The following IQCM variants were observed in gnomAD, a reference collection of about 807,000 sequenced individuals.
IQCM encodes the protein IQ domain-containing protein M.
Under a neutral mutation model 57.6 loss-of-function variants are expected in IQCM, and 45 were observed. That is an observed-to-expected ratio of 0.78 (90% CI 0.62 to 1.00). The LOEUF (loss-of-function observed/expected upper bound fraction) is 1.00, where lower values mean the gene tolerates loss of function less well. Among genes scored for constraint, IQCM ranks in the 50% least tolerant of loss-of-function variants. The pLI, the probability that IQCM is intolerant of heterozygous loss-of-function variation, is 0.00. For missense variants in IQCM, 468 were observed against 511.6 expected, an observed-to-expected ratio of 0.91 and a Z score of 0.82; for synonymous variants, 148 against 158.9, an observed-to-expected ratio of 0.93 and a Z score of 0.51.
chr4:149,594,909 A>T (rs1234617858), intron 8 of IQCM, among the ~76,000 whole-genome samples: 1 of 151,984 alleles, frequency 6.6e-6, no homozygotes, highest in Non-Finnish European at 1.5e-5. Context: ...GTGTGATGTC[A>T]TGCTGAGAAG....
At chr4:149,383,419 T>G (rs1396117280) in intron 13 of IQCM, among the ~76,000 whole-genome samples, 1 of 152,196 alleles carries the variant, frequency 6.6e-6, no homozygotes, top group Non-Finnish European at 1.5e-5. Context: ...CACATGAATG[T>G]GATACTGTGG....
At chr4:149,739,934 C>T (rs376550317) in intron 3 of IQCM, among the ~76,000 whole-genome samples, 11 of 152,210 alleles carry the variant, frequency 7.2e-5, no homozygotes, top group African/African-American at 2.4e-4. Flanking sequence ...TACATAGTTG[C>T]TCCAGTGAGC....
At chr4:149,586,808 C>CT (rs1390801665) in intron 9 of IQCM, among the ~76,000 whole-genome samples, 1 of 151,478 alleles carries the variant, frequency 6.6e-6, no homozygotes, top group African/African-American at 2.4e-5. Context: ...TTATGAACAC[C>CT]TTTTTTAAGT....
chr4:149,566,285 T>C (rs1185148901), intron 9 of IQCM, among the ~76,000 whole-genome samples: 1 of 152,166 alleles, frequency 6.6e-6, no homozygotes, highest in African/African-American at 2.4e-5. Flanking sequence ...AGGACTGTTA[T>C]AGAAATAGTT....
chr4:149,519,684 A>G (rs576216851), intron 12 of IQCM, among the ~76,000 whole-genome samples: 1 of 148,710 alleles, frequency 6.7e-6, no homozygotes, highest in Admixed American at 6.7e-5. Context: ...TGTGCCTCTT[A>G]ATATATGTGT....
intron 7 of IQCM, among the ~76,000 whole-genome samples, chr4:149,671,923 C>A (rs979563764): frequency 6.6e-6 from 1 of 152,164 alleles, no homozygotes; most frequent in African/African-American, 2.4e-5. Context: ...TGAGACGAAG[C>A]TTCCAGAGGA....
intron 9 of IQCM, among the ~76,000 whole-genome samples, chr4:149,574,564 C>G (rs1261630147): frequency 6.6e-6 from 1 of 151,888 alleles, no homozygotes; most frequent in Non-Finnish European, 1.5e-5. Flanking sequence ...GATAAGAGAT[C>G]ATTATGCAAG....
At chr4:149,549,943 T>G (rs990213136) in intron 11 of IQCM, among the ~76,000 whole-genome samples, 4 of 152,126 alleles carry the variant, frequency 2.6e-5, no homozygotes, top group African/African-American at 9.7e-5. Context: ...TAAATGAAAA[T>G]GTATATTTAG....
chr4:149,610,530 C>T (rs1202782462), intron 8 of IQCM, among the ~76,000 whole-genome samples: 1 of 151,746 alleles, frequency 6.6e-6, no homozygotes, highest in South Asian at 2.1e-4. Flanking sequence ...AACAAATAGA[C>T]CAGTGGAACA....
At chr4:149,385,790 A>G (rs1305084956) in intron 13 of IQCM, among the ~76,000 whole-genome samples, 5 of 152,064 alleles carry the variant, frequency 3.3e-5, no homozygotes, top group South Asian at 4.1e-4. Context: ...AAGTTCTTCA[A>G]TTTTCTTCTT....
intron 2 of IQCM, among the ~76,000 whole-genome samples, chr4:149,755,978 A>G (rs1022081421): frequency 6.6e-6 from 1 of 152,256 alleles, no homozygotes; most frequent in Non-Finnish European, 1.5e-5. Flanking sequence ...AGAGTCACAT[A>G]GCAGAATAAG....
intron 2 of IQCM, among the ~76,000 whole-genome samples, chr4:149,778,117 C>G (rs1216944975): frequency 1.3e-5 from 2 of 152,230 alleles, no homozygotes; most frequent in African/African-American, 4.8e-5. Flanking sequence ...TGGCTCACGC[C>G]TGTAATCCCA....
chr4:149,505,282 G>A (rs1291445260), intron 12 of IQCM, among the ~76,000 whole-genome samples: 1 of 152,132 alleles, frequency 6.6e-6, no homozygotes, highest in African/African-American at 2.4e-5. Flanking sequence ...ATGACTAGAT[G>A]TAATTTTAAA....
intron 7 of IQCM, among the ~76,000 whole-genome samples, chr4:149,649,093 C>CA (rs2150130014): frequency 6.6e-6 from 1 of 152,146 alleles, no homozygotes; most frequent in East Asian, 1.9e-4. Context: ...TAAATTCATG[C>CA]AAGATTGTAT....
intron 2 of IQCM, among the ~76,000 whole-genome samples, chr4:149,814,531 C>CA (rs79709038): frequency 0.02 from 3,015 of 151,112 alleles, 180 homozygotes; most frequent in East Asian, 0.15. Flanking sequence ...TTAATCATTC[C>CA]AAAAAAAATA....
In IQCM at chr4:149,553,202, C is replaced by A. The variant is rs1038976314; in HGVS notation, c.1034G>T (p.Trp345Leu). 1 of 1,231,986 alleles carries A rather than the reference C, an allele frequency of 8.1e-7. No homozygotes were observed. Among genetic ancestry groups the A allele is most frequent in the African/African-American group, 1.5e-5 (1 of 64,528 alleles). The allele number at this position is 1,231,986 out of a possible 1,614,324, so 76.3% of individuals were successfully genotyped here. A position where few individuals can be genotyped will look rare whatever the true frequency, so the allele number is the denominator to read the frequency against. ...IHRVRYRRGL[W>L]RTRQILNLAE... ...TAAGTTGAGAATTTGTCTTGTCCTCCAAAGACCACGTCGATATCTAACACG... is the reference window on the plus strand; with the variant it reads ...TAAGTTGAGAATTTGTCTTGTCCTCAAAAGACCACGTCGATATCTAACACG... The change falls in exon 11 of 14, where the codon TGG becomes TTG. Residue 345 changes from tryptophan to leucine, a missense_variant. Transcript: ENST00000636793.
At chr4:149,539,466 C>G (rs1429895294) in intron 12 of IQCM, among the ~76,000 whole-genome samples, 4 of 152,050 alleles carry the variant, frequency 2.6e-5, no homozygotes, top group African/African-American at 9.7e-5. Context: ...ATCTAACATG[C>G]TTATGGTTGT....
chr4:149,397,566 G>C (rs182626879), intron 13 of IQCM, among the ~76,000 whole-genome samples: 2 of 151,910 alleles, frequency 1.3e-5, no homozygotes, highest in Non-Finnish European at 2.9e-5. Context: ...TTTGCCTTCT[G>C]CCATGATTGT....
chr4:149,774,743 C>T (rs557734970), intron 2 of IQCM, among the ~76,000 whole-genome samples: 75 of 149,926 alleles, frequency 5.0e-4, no homozygotes, highest in Middle Eastern at 3.4e-3. Context: ...CTTCCTCTTG[C>T]CTATTAAACT....
Sources: gnomAD v4.1 joint callset for allele counts (sites outside exome capture counted in the v4.1 genomes callset) on GRCh38, gnomAD v4.1.1 for gene constraint, MANE v1.5 for transcripts, NCBI Gene and HGNC (gene_info 2026-07-23, HGNC 2026-07-21) for gene names.